DCDC2: variants seen among roughly 807,000 people sequenced by gnomAD.
The protein encoded by DCDC2 is doublecortin domain containing 2, also known as doublecortin domain-containing protein 2.
A neutral mutation model predicts 50.2 loss-of-function variants in DCDC2; 40 were observed. The observed-to-expected ratio is 0.80, with a 90% CI of 0.62 to 1.04. The LOEUF is 1.04. Among genes scored for constraint, DCDC2 ranks in the 50% least tolerant of loss-of-function variants. The pLI is 0.00. For synonymous variants in DCDC2, 234 were observed against 210.6 expected, an observed-to-expected ratio of 1.11 and a Z score of -0.96; for missense variants, 570 against 581.9, an observed-to-expected ratio of 0.98 and a Z score of 0.21.
chr6:24,220,879 A>AGAGAGAGAGAGTGAGCGAGC (rs1554146330), intron 7 of DCDC2, among the ~76,000 whole-genome samples: 1 of 106,978 alleles, frequency 9.3e-6, no homozygotes, highest in African/African-American at 4.6e-5. Context: ...CAAGAGAGCG[A>AGAGAGAGAGAGTGAGCGAGC]GAGCGAGAGA....
Position 24,327,471 on chromosome 6 carries a change from T to TTGATTG in DCDC2, c.349-25428_349-25427insCAATCA, listed in dbSNP as rs1209792452. ...TTATAAACTTATTTATTTATTTATT[T>TTGATTG]ATTTATTTATTTATTGGCTGATACG... On this transcript the variant is annotated intron_variant, in intron 2 of 9. Coordinates refer to ENST00000378454, the MANE Select transcript of DCDC2 (RefSeq NM_016356.5). 2.8e-4 allele frequency among the ~76,000 whole-genome samples: 37 copies of TTGATTG among 132,588 alleles called. 3 individuals are homozygous for TTGATTG. The highest frequency in any genetic ancestry group is 5.6e-4 in the Non-Finnish European group (34 of 60,348). 87.0% of individuals were successfully genotyped at this position (132,588 alleles called of 152,430 possible).
intron 8 of DCDC2, among the ~76,000 whole-genome samples, chr6:24,182,981 A>G (rs968907227): frequency 6.6e-6 from 1 of 152,238 alleles, no homozygotes; most frequent in Non-Finnish European, 1.5e-5. Flanking sequence ...CTTACAAAGA[A>G]AGAAAATTCT....
At chr6:24,264,763 G>A (rs565831642) in intron 7 of DCDC2, among the ~76,000 whole-genome samples, 2 of 151,522 alleles carry the variant, frequency 1.3e-5, no homozygotes, top group South Asian at 2.1e-4. Flanking sequence ...AAGCCCTTAC[G>A]TATCAATAAT....
At chr6:24,298,251 C>T (rs923479519) in intron 4 of DCDC2, among the ~76,000 whole-genome samples, 17 of 152,208 alleles carry the variant, frequency 1.1e-4, no homozygotes, top group Non-Finnish European at 2.5e-4. Flanking sequence ...CGGTGATGCT[C>T]GCCTGCCACT....
At chr6:24,381,857 A>AGGAAGGAAGGAAGGAAG in the DCDC2 span, among the ~76,000 whole-genome samples, 2 of 137,714 alleles carry the variant, frequency 1.5e-5, no homozygotes, top group South Asian at 2.3e-4. Context: ...GAAGGAAGGA[A>AGGAAGGAAGGAAGGAAG]GGAGAAATAA....
rs115145513 is a variant in DCDC2, at chr6:24,221,493, C to T, written c.923-16391G>A. ...AAGTTTTTACACTTATTCTCTGTAC[C>T]CTAACAGTACCACATGACAGACAAT... On this transcript the variant is annotated intron_variant, in intron 7 of 9. Coordinates refer to ENST00000378454, the MANE Select transcript of DCDC2 (RefSeq NM_016356.5). Among the ~76,000 whole-genome samples, 438 of 152,272 alleles carry T rather than the reference C, an allele frequency of 2.9e-3. 2 individuals carry two copies. The highest frequency in any genetic ancestry group is 9.5e-3 in the African/African-American group (394 of 41,544).
intron 7 of DCDC2, among the ~76,000 whole-genome samples, chr6:24,274,119 C>T (rs1297987163): frequency 6.6e-6 from 1 of 152,196 alleles, no homozygotes; most frequent in East Asian, 1.9e-4. Flanking sequence ...AACGTACTTA[C>T]AATTATCAAT....
intron 2 of DCDC2, among the ~76,000 whole-genome samples, chr6:24,342,407 T>C (rs1760174815): frequency 5.9e-5 from 9 of 152,060 alleles, no homozygotes; most frequent in Admixed American, 5.9e-4. Context: ...AGACAGGAGG[T>C]GTCAATACGG....
At position 24,172,989 on chromosome 6, in the gene DCDC2, A is replaced by AAAAAAAATAATAATAAT. The variant is rs1554142065; in HGVS notation, c.*1740_*1741insATTATTATTATTTTTTT. On this transcript the variant is annotated 3_prime_UTR_variant, in exon 10 of 10. Transcript: ENST00000378454. ...GACAAGAGCAAGACTTCATCTCAAAAAATAATAATAATAATAATAATAATA... is the reference window on the plus strand; with the variant it reads ...GACAAGAGCAAGACTTCATCTCAAAAAAAAAAATAATAATAATAATAATAATAATAATAATAATAATA... The AAAAAAAATAATAATAAT allele has an allele frequency of 6.9e-6, 1 of 145,938 alleles. No individual in the cohort carries two copies. The highest frequency in any genetic ancestry group is 2.1e-4 in the East Asian group (1 of 4,864). The allele number at this position is 145,938 out of a possible 1,614,324, so 9.0% of individuals were successfully genotyped here.
chr6:24,369,167 A>AACAG, the DCDC2 span, among the ~76,000 whole-genome samples: 1 of 151,674 alleles, frequency 6.6e-6, no homozygotes, highest in Non-Finnish European at 1.5e-5. Context: ...AAAAGAGAAT[A>AACAG]ACAGAAATAA....
chr6:24,367,833 A>G, the DCDC2 span, among the ~76,000 whole-genome samples: 13 of 152,246 alleles, frequency 8.5e-5, no homozygotes, highest in African/African-American at 3.1e-4. Flanking sequence ...CAGAAGAATC[A>G]GACCTACAAA....
At position 24,290,998 on chromosome 6, in the gene DCDC2, T is replaced by C. The variant is rs534673716; in HGVS notation, c.638A>G (p.Asp213Gly). Reference sequence around the variant, plus strand: ...ACTGTAAGGCAGTTTCTTAAACTTATCTCTGCCAACAGCCACATAAAACTG... The same window carrying C: ...ACTGTAAGGCAGTTTCTTAAACTTACCTCTGCCAACAGCCACATAAAACTG... Reference protein sequence around the residue: ...NGQFYVAVGRDKFKKLPYSEL... With the variant: ...NGQFYVAVGRGKFKKLPYSEL... Residue 213 changes from aspartate (D) to glycine (G), a missense_variant, in exon 5 of 10, where the codon GAT (aspartate) becomes GGT (glycine). By Grantham distance (94) the Asp-to-Gly change is moderately conservative. Transcript: ENST00000378454. 2 of 1,614,014 alleles carry C rather than the reference T, an allele frequency of 1.2e-6. No individual in the cohort carries two copies. Among genetic ancestry groups the C allele is most frequent in the African/African-American group, 1.3e-5 (1 of 75,042 alleles).
chr6:24,247,659 T>C (rs1420386340), intron 7 of DCDC2, among the ~76,000 whole-genome samples: 2 of 152,220 alleles, frequency 1.3e-5, no homozygotes, highest in African/African-American at 4.8e-5. Context: ...TGGTTATATA[T>C]CTTTATCACG....
intron 7 of DCDC2, among the ~76,000 whole-genome samples, chr6:24,251,264 A>C (rs1277443217): frequency 6.6e-6 from 1 of 152,224 alleles, no homozygotes; most frequent in African/African-American, 2.4e-5. Flanking sequence ...GGATACATGA[A>C]GAATAGCTTA....
intron 4 of DCDC2, 114 bp downstream of exon 4, chr6:24,301,601 G>C (rs1296371229): frequency 1.1e-5 from 13 of 1,203,584 alleles, no homozygotes; most frequent in Non-Finnish European, 1.5e-5. Flanking sequence ...TGAGGCATAC[G>C]GGGCCTAACT....
At chr6:24,339,327 T>G (rs1437250612) in intron 2 of DCDC2, among the ~76,000 whole-genome samples, 1 of 152,094 alleles carries the variant, frequency 6.6e-6, no homozygotes, top group Non-Finnish European at 1.5e-5. Flanking sequence ...ACACTTCGGA[T>G]AGCTTGCGTA....
rs533062753 is a variant in DCDC2, at chr6:24,257,991, G to C, written c.922+20058C>G. On this transcript the variant is annotated intron_variant, in intron 7 of 9. Transcript: ENST00000378454. The stretch of plus-strand genomic sequence containing the variant: ...TCTAGGATGACTCTAAAGTTAACTG[G>C]ATTAAAGTGGTGTAAGAGGAGACAC... 3.3e-5 allele frequency among the ~76,000 whole-genome samples: 5 copies of C among 152,254 alleles called. No individual in the cohort carries two copies. In the South Asian group the frequency reaches 1.0e-3, roughly 32 times the overall value.
At chr6:24,302,073 A>G (rs561547558) in intron 2 of DCDC2, 29 bp from the exon 3 acceptor site, 1 of 1,575,962 alleles carries the variant, frequency 6.3e-7, no homozygotes, top group African/African-American at 1.4e-5. Context: ...AAAAATATAA[A>G]CCACTAAGCT....
At chr6:24,224,796 T>C (rs568958410) in intron 7 of DCDC2, among the ~76,000 whole-genome samples, 2 of 152,242 alleles carry the variant, frequency 1.3e-5, no homozygotes, top group East Asian at 3.9e-4. Context: ...GCCTCTATCA[T>C]AGGTAGCACT....
Sources: gnomAD v4.1 joint callset for allele counts (sites outside exome capture counted in the v4.1 genomes callset) on GRCh38, gnomAD v4.1.1 for gene constraint, MANE v1.5 for transcripts, NCBI Gene and HGNC (gene_info 2026-07-23, HGNC 2026-07-21) for gene names.